The following HTR1F variants were observed in gnomAD, a reference collection of about 807,000 sequenced individuals.
HTR1F encodes the protein 5-hydroxytryptamine receptor 1F, also known as 5-hydroxytryptamine (serotonin) receptor 1F, G protein-coupled.
A neutral mutation model predicts 24.0 loss-of-function variants in HTR1F; 17 were observed. That is an observed-to-expected ratio of 0.71 (90% confidence interval 0.48 to 1.06). The LOEUF is 1.06. HTR1F is among the 50% of genes least tolerant of loss of function. The pLI, the probability that HTR1F is intolerant of heterozygous loss-of-function variation, is 0.00. For missense variants in HTR1F, 391 were observed against 427.8 expected (o/e 0.91, Z 0.76); for synonymous variants, 186 against 156.8 (o/e 1.19, Z -1.39).
At position 87,990,841 on chromosome 3, in the gene HTR1F, C is replaced by G. The variant is rs141238218; in HGVS notation, c.92C>G (p.Ser31Cys). The G allele has an allele frequency of 6.9e-5, 111 of 1,614,050 alleles. No individual in the cohort carries two copies. Among genetic ancestry groups the G allele is most frequent in the Admixed American group, 1.5e-4 (9 of 60,006 alleles). ...PSKILVSLTL[S>C]GLALMTTTIN... ...AAAATTCTGGTGTCCCTCACTCTGT[C>G]TGGGCTGGCACTGATGACAACAACT... The change falls in exon 3 of 3, where the codon TCT becomes TGT. Residue 31 changes from serine to cysteine, a missense_variant. Ser to Cys is a moderately radical substitution (Grantham distance 112). Coordinates refer to ENST00000319595, the MANE Select transcript of HTR1F (RefSeq NM_001322209.2).
chr3:87,827,104 A>G (rs960152485), intron 2 of HTR1F, among the ~76,000 whole-genome samples: 15 of 149,684 alleles, frequency 1.0e-4, no homozygotes, highest in Non-Finnish European at 2.1e-4. Context: ...AGCCACCACT[A>G]TCATTATTTT....
At chr3:87,977,862 T>A (rs1235531748) in intron 2 of HTR1F, among the ~76,000 whole-genome samples, 1 of 152,174 alleles carries the variant, frequency 6.6e-6, no homozygotes, top group Non-Finnish European at 1.5e-5. Flanking sequence ...CAAGCCAATG[T>A]GGCTAGTGGC....
At chr3:87,949,687 C>T (rs1243670639) in intron 2 of HTR1F, among the ~76,000 whole-genome samples, 1 of 152,196 alleles carries the variant, frequency 6.6e-6, no homozygotes, top group Non-Finnish European at 1.5e-5. Flanking sequence ...ACACCGTCTC[C>T]TTTTACATCA....
At chr3:87,914,115 G>A (rs1703838681) in intron 2 of HTR1F, among the ~76,000 whole-genome samples, 1 of 152,104 alleles carries the variant, frequency 6.6e-6, no homozygotes, top group Non-Finnish European at 1.5e-5. Flanking sequence ...TACAAGGGAA[G>A]ATTTTGACCT....
chr3:87,864,433 G>A (rs1249476974), intron 2 of HTR1F, among the ~76,000 whole-genome samples: 1 of 152,108 alleles, frequency 6.6e-6, no homozygotes, highest in Non-Finnish European at 1.5e-5. Context: ...AGAATTCAGG[G>A]CCCTACCTTA....
intron 2 of HTR1F, among the ~76,000 whole-genome samples, chr3:87,822,546 T>C (rs577304398): frequency 1.4e-4 from 22 of 152,316 alleles, no homozygotes; most frequent in South Asian, 4.1e-4. Context: ...TAATGTTTTC[T>C]TTTATATAAT....
At chr3:87,965,733 A>G (rs1705150659) in intron 2 of HTR1F, among the ~76,000 whole-genome samples, 1 of 152,220 alleles carries the variant, frequency 6.6e-6, no homozygotes, top group South Asian at 2.1e-4. Flanking sequence ...TCCACAAAGC[A>G]CTAATTTTAG....
At position 87,822,045 on chromosome 3, in the gene HTR1F, T is replaced by C. The variant is rs1704369957; in HGVS notation, c.-122T>C. The stretch of plus-strand genomic sequence containing the variant: ...AGAGAATGAATTGGACTGTGAAACT[T>C]TCATGAACTTCTCAAAAGAACAGGA... On this transcript the variant is annotated 5_prime_UTR_variant, in exon 2 of 3. Coordinates refer to ENST00000319595, the MANE Select transcript of HTR1F (RefSeq NM_001322209.2). Among the ~76,000 whole-genome samples the C allele has an allele frequency of 6.6e-6, 1 of 152,176 alleles. No individual in the cohort carries two copies. The highest frequency in any genetic ancestry group is 2.4e-5 in the African/African-American group (1 of 41,444).
Position 87,927,182 on chromosome 3 carries a change from G to A in HTR1F, c.-42-63526G>A, listed in dbSNP as rs184087598. 3.6e-3 allele frequency among the ~76,000 whole-genome samples: 548 copies of A among 152,210 alleles called. 3 individuals are homozygous for A. The highest frequency in any genetic ancestry group is 0.012 in the African/African-American group (500 of 41,536). ...AACTTAAGTGTAGATGATCACCAGTGAGTCTGCAAAAGATGTAGTTACAAT... is the reference window on the plus strand; with the variant it reads ...AACTTAAGTGTAGATGATCACCAGTAAGTCTGCAAAAGATGTAGTTACAAT... On this transcript the variant is annotated intron_variant, in intron 2 of 2. Transcript: ENST00000319595.
intron 2 of HTR1F, among the ~76,000 whole-genome samples, chr3:87,901,657 G>C (rs1206316060): frequency 1.3e-5 from 2 of 151,802 alleles, no homozygotes; most frequent in Non-Finnish European, 2.9e-5. Context: ...GCGATTATGT[G>C]TTAGATATAA....
chr3:87,844,503 G>C (rs897295618), intron 2 of HTR1F, among the ~76,000 whole-genome samples: 15 of 135,602 alleles, frequency 1.1e-4, no homozygotes, highest in East Asian at 6.2e-4. Flanking sequence ...ATGGTAGTTT[G>C]TTTTGCTGTG....
intron 2 of HTR1F, among the ~76,000 whole-genome samples, chr3:87,950,197 C>A (rs1345961413): frequency 2.6e-5 from 4 of 152,180 alleles, no homozygotes; most frequent in Non-Finnish European, 4.4e-5. Context: ...AAGAGATCTG[C>A]CCACATGACC....
intron 2 of HTR1F, among the ~76,000 whole-genome samples, chr3:87,864,831 G>T (rs1415640191): frequency 1.3e-5 from 2 of 151,210 alleles, no homozygotes; most frequent in Non-Finnish European, 2.9e-5. Flanking sequence ...GGGAGGCAAA[G>T]GTTGCAGTGA....
intron 2 of HTR1F, among the ~76,000 whole-genome samples, chr3:87,843,498 T>C (rs1411070809): frequency 6.7e-6 from 1 of 150,002 alleles, no homozygotes; most frequent in Non-Finnish European, 1.5e-5. Context: ...TTCACCATCC[T>C]GACTTTCTTT....
chr3:87,899,931 T>A (rs1418674084), intron 2 of HTR1F, among the ~76,000 whole-genome samples: 1 of 152,128 alleles, frequency 6.6e-6, no homozygotes, highest in East Asian at 1.9e-4. Flanking sequence ...ATGAGTCAAA[T>A]AAATAAAAAT....
At chr3:87,849,824 G>A (rs536998858) in intron 2 of HTR1F, among the ~76,000 whole-genome samples, 37 of 151,946 alleles carry the variant, frequency 2.4e-4, no homozygotes, top group African/African-American at 7.5e-4. Context: ...TCTCAAAAGA[G>A]GACATTTATG....
chr3:87,923,356 T>G (rs1376574542), intron 2 of HTR1F, among the ~76,000 whole-genome samples: 1 of 151,940 alleles, frequency 6.6e-6, no homozygotes, highest in African/African-American at 2.4e-5. Context: ...TTGGGGGACA[T>G]GATCATTTTA....
chr3:87,969,014 T>C (rs566285151), intron 2 of HTR1F, among the ~76,000 whole-genome samples: 41 of 152,282 alleles, frequency 2.7e-4, no homozygotes, highest in African/African-American at 4.3e-4. Flanking sequence ...CCACGTGGTA[T>C]TGAGTCTGCA....
chr3:87,820,229 T>C (rs1166373675), intron 1 of HTR1F, among the ~76,000 whole-genome samples: 1 of 143,720 alleles, frequency 7.0e-6, no homozygotes, highest in Non-Finnish European at 1.5e-5. Context: ...CAGGCTGGAG[T>C]GCAGTGGCAG....
Sources: gnomAD v4.1 joint callset for allele counts (sites outside exome capture counted in the v4.1 genomes callset) on GRCh38, gnomAD v4.1.1 for gene constraint, MANE v1.5 for transcripts, NCBI Gene and HGNC (gene_info 2026-07-23, HGNC 2026-07-21) for gene names.